PDE8A: variants seen among roughly 807,000 people sequenced by gnomAD.
PDE8A encodes the protein phosphodiesterase 8A, also known as high affinity cAMP-specific and IBMX-insensitive 3',5'-cyclic phosphodiesterase 8A.
Under a neutral mutation model 105.0 loss-of-function variants are expected in PDE8A, and 59 were observed. The ratio of observed to expected loss-of-function variants is 0.56; its 90% CI spans 0.46 to 0.70. The LOEUF is 0.70. PDE8A is among the 30% of genes least tolerant of loss of function. The probability of loss-of-function intolerance (pLI) is 0.00; values close to 1 mark genes in which losing one functional copy is unlikely to be tolerated. For synonymous variants in PDE8A, 355 were observed against 371.9 expected, an observed-to-expected ratio of 0.95 and a Z score of 0.52; for missense variants, 1,014 against 1,045.9, an observed-to-expected ratio of 0.97 and a Z score of 0.42.
rs2082414720 is a variant in PDE8A, at chr15:85,136,593, C to G, written c.2313C>G (p.Thr771=). 6.2e-7 allele frequency: 1 copy of G among 1,613,554 alleles called. No individual in the cohort carries two copies. Among genetic ancestry groups the G allele is most frequent in the Non-Finnish European group, 8.5e-7 (1 of 1,179,632 alleles). Residue 771 remains threonine (T), a synonymous_variant, in exon 21 of 22, where the codon ACC becomes ACG. Coordinates refer to ENST00000394553, the MANE Select transcript of PDE8A (RefSeq NM_002605.3). Reference sequence around the variant, plus strand: ...TGATGCCAGTGTTTGACAGAAATACCTGCAGCATCCCCAAATCCCAAATCT... The same window carrying G: ...TGATGCCAGTGTTTGACAGAAATACGTGCAGCATCCCCAAATCCCAAATCT... ...PVVMPVFDRN[T]CSIPKSQISF... is the part of the protein sequence containing the mutation.
At chr15:85,011,785 G>A (rs942174212) in intron 1 of PDE8A, among the ~76,000 whole-genome samples, 19 of 152,140 alleles carry the variant, frequency 1.2e-4, no homozygotes, top group East Asian at 3.9e-4. Flanking sequence ...GAAAATTTTC[G>A]CAACCTGCTC....
intron 1 of PDE8A, among the ~76,000 whole-genome samples, chr15:84,993,200 T>C (rs886724465): frequency 1.3e-5 from 2 of 151,930 alleles, no homozygotes; most frequent in South Asian, 2.1e-4. Flanking sequence ...TCCCAGCACT[T>C]TGGGAGGCCA....
chr15:85,105,481 T>C (rs2081934097), intron 11 of PDE8A, among the ~76,000 whole-genome samples: 1 of 152,178 alleles, frequency 6.6e-6, no homozygotes, highest in African/African-American at 2.4e-5. Context: ...CTGGAACTCA[T>C]ACTTCCAGGC....
At chr15:85,064,836 G>C (rs2081197116) in intron 2 of PDE8A, among the ~76,000 whole-genome samples, 1 of 151,884 alleles carries the variant, frequency 6.6e-6, no homozygotes, top group Admixed American at 6.6e-5. Flanking sequence ...TGGACATGGG[G>C]GTGTGTGTGC....
At chr15:85,137,608 G>A (rs768425894) in intron 21 of PDE8A, among the ~76,000 whole-genome samples, 189 bp from the exon 22 acceptor site, 1 of 152,188 alleles carries the variant, frequency 6.6e-6, no homozygotes, top group Non-Finnish European at 1.5e-5. Context: ...AGGAGGTGCT[G>A]GCATTGAGGA....
intron 12 of PDE8A, among the ~76,000 whole-genome samples, chr15:85,112,010 T>G (rs947386618): frequency 2.2e-4 from 33 of 152,180 alleles, no homozygotes; most frequent in African/African-American, 8.0e-4. Flanking sequence ...AACTGATTTT[T>G]GTATATTGAC....
intron 1 of PDE8A, among the ~76,000 whole-genome samples, chr15:85,046,332 A>G (rs760151303): frequency 6.6e-6 from 1 of 152,158 alleles, no homozygotes; most frequent in Non-Finnish European, 1.5e-5. Flanking sequence ...TACAGGCGTG[A>G]GGCACCACGC....
intron 7 of PDE8A, among the ~76,000 whole-genome samples, chr15:85,090,057 C>G (rs775334893): frequency 3.3e-5 from 5 of 152,198 alleles, no homozygotes; most frequent in Non-Finnish European, 7.3e-5. Flanking sequence ...GCTCTCCAGT[C>G]TTTCACTTTA....
In PDE8A at chr15:85,060,095, G is replaced by A. The variant is rs1039679050; in HGVS notation, c.187-4275G>A. Among the ~76,000 whole-genome samples, 10 of 152,202 alleles carry A rather than the reference G, an allele frequency of 6.6e-5. No individual in the cohort carries two copies. The South Asian group carries it at 2.1e-3, about 32-fold the overall frequency. ...TTTCTGTATGTCACATAGCTTTTCT[G>A]TCTTCCATTTCTTTAATTACTGTCT... On this transcript the variant is annotated intron_variant, in intron 1 of 21. Transcript: ENST00000394553.
chr15:85,131,602 A>C (rs897655972), intron 20 of PDE8A, among the ~76,000 whole-genome samples: 2 of 152,244 alleles, frequency 1.3e-5, no homozygotes, highest in Non-Finnish European at 2.9e-5. Context: ...GTCCATTAAC[A>C]TTTAAAATTA....
chr15:84,981,204 T>A (rs541441100), upstream of PDE8A, among the ~76,000 whole-genome samples: 7 of 152,248 alleles, frequency 4.6e-5, no homozygotes, highest in Admixed American at 1.3e-4. Flanking sequence ...CAAGTCTCTT[T>A]CCTTCTCTGG....
At chr15:85,072,745 C>T (rs977615681) in intron 3 of PDE8A, among the ~76,000 whole-genome samples, 4 of 152,178 alleles carry the variant, frequency 2.6e-5, no homozygotes, top group Admixed American at 2.6e-4. Flanking sequence ...GTTTAAACCA[C>T]TCTTCTCTGG....
chr15:85,080,910 T>C (rs1013348893), intron 5 of PDE8A, among the ~76,000 whole-genome samples: 9 of 152,190 alleles, frequency 5.9e-5, no homozygotes, highest in Admixed American at 4.6e-4. Flanking sequence ...GTAGTCACTT[T>C]AGAAGCACCT....
intron 1 of PDE8A, among the ~76,000 whole-genome samples, chr15:85,061,903 A>G (rs1414516927): frequency 6.6e-6 from 1 of 151,872 alleles, no homozygotes; most frequent in Non-Finnish European, 1.5e-5. Flanking sequence ...TGAATTTTTC[A>G]TTCCAGTTAT....
intron 3 of PDE8A, among the ~76,000 whole-genome samples, chr15:85,069,530 C>G (rs558884178): frequency 6.6e-6 from 1 of 152,270 alleles, no homozygotes; most frequent in East Asian, 1.9e-4. Context: ...ACTGAGCACA[C>G]CCTTACTGCT....
chr15:85,079,910 T>C (rs2141492293), intron 5 of PDE8A, among the ~76,000 whole-genome samples: 1 of 151,020 alleles, frequency 6.6e-6, no homozygotes, highest in East Asian at 1.9e-4. Flanking sequence ...CAAGACTCCA[T>C]CTCAAAAAAA....
At chr15:85,130,716 A>C (rs2082318892) in intron 20 of PDE8A, among the ~76,000 whole-genome samples, 1 of 152,146 alleles carries the variant, frequency 6.6e-6, no homozygotes, top group South Asian at 2.1e-4. Context: ...TTTGCTTCAT[A>C]TATTTTGGAA....
At chr15:85,123,381 CACACAA>C (rs1262283669) in intron 19 of PDE8A, among the ~76,000 whole-genome samples, 188 bp downstream of exon 19, 3 of 119,558 alleles carry the variant, frequency 2.5e-5, no homozygotes, top group East Asian at 2.4e-4. Context: ...CACACACACA[CACACAA>C]AGGGGAGTTT....
intron 1 of PDE8A, among the ~76,000 whole-genome samples, chr15:84,990,010 G>T (rs968090156): frequency 6.6e-6 from 1 of 152,010 alleles, no homozygotes; most frequent in Non-Finnish European, 1.5e-5. Flanking sequence ...CCACACATCA[G>T]TATACTCAAC....
Sources: gnomAD v4.1 joint callset for allele counts (sites outside exome capture counted in the v4.1 genomes callset) on GRCh38, gnomAD v4.1.1 for gene constraint, MANE v1.5 for transcripts, NCBI Gene and HGNC (gene_info 2026-07-23, HGNC 2026-07-21) for gene names.